The following RABIF variants were observed in gnomAD, a reference collection of about 807,000 sequenced individuals.
The protein encoded by RABIF is RAB interacting factor.
A neutral mutation model predicts 12.3 loss-of-function variants in RABIF; 13 were observed. The observed-to-expected ratio is 1.06, with a 90% CI of 0.69 to 1.68. The LOEUF is 1.68. RABIF is among the 40% of genes most tolerant of loss of function. The pLI is 0.00. For missense variants in RABIF, 153 were observed against 158.0 expected, an observed-to-expected ratio of 0.97 and a Z score of 0.17; for synonymous variants, 70 against 63.3, an observed-to-expected ratio of 1.11 and a Z score of -0.50.
At chr1:202,886,565 A>T (rs564320090) in intron 1 of RABIF, among the ~76,000 whole-genome samples, 2 of 152,078 alleles carry the variant, frequency 1.3e-5, no homozygotes, top group Non-Finnish European at 2.9e-5. Flanking sequence ...AGCCTCGGCG[A>T]CAGAGGGAGA....
chr1:202,882,537 CAG>C (rs1659505671), intron 1 of RABIF, among the ~76,000 whole-genome samples: 1 of 152,106 alleles, frequency 6.6e-6, no homozygotes, highest in African/African-American at 2.4e-5. Context: ...ACCTGGATGA[CAG>C]AGTGAGATCG....
intron 1 of RABIF, among the ~76,000 whole-genome samples, chr1:202,883,886 A>G (rs1288541031): frequency 6.6e-6 from 1 of 152,204 alleles, no homozygotes; most frequent in Non-Finnish European, 1.5e-5. Context: ...ATACTTATAT[A>G]TATGCATATG....
chr1:202,881,482 A>G (rs985633482), intron 1 of RABIF, among the ~76,000 whole-genome samples: 2 of 151,562 alleles, frequency 1.3e-5, no homozygotes, highest in Non-Finnish European at 2.9e-5. Flanking sequence ...GCTCACTGCA[A>G]CCTCCGCCTC....
rs542927618 is a variant in RABIF, at chr1:202,881,208, T to C, written c.142A>G (p.Met48Val). ...FSRRQLFLPSMRKKPALSDGS... is the reference protein window; with the variant it reads ...FSRRQLFLPSVRKKPALSDGS... ...TCAGACAGAGCTGGCTTCTTTCTCA[T>C]GGAGGGAAGGAAAAGCTGCAGTGGG... Residue 48 changes from methionine (M) to valine (V), a missense_variant, in exon 2 of 2, where the codon ATG becomes GTG. Coordinates refer to ENST00000367262, the MANE Select transcript of RABIF (RefSeq NM_002871.5). The C allele has an allele frequency of 3.1e-6, 5 of 1,612,510 alleles. No homozygotes were observed. The highest frequency in any genetic ancestry group is 1.7e-5 in the Admixed American group (1 of 59,898).
At chr1:202,881,330 AAAAG>A in intron 1 of RABIF, 107 bp from the exon 2 acceptor site, 1 of 1,436,396 alleles carries the variant, frequency 7.0e-7, no homozygotes. Context: ...GAATGACAAA[AAAAG>A]AGAAGCCCTC....
chr1:202,882,432 C>T (rs992789562), intron 1 of RABIF, among the ~76,000 whole-genome samples: 23 of 151,878 alleles, frequency 1.5e-4, no homozygotes, highest in African/African-American at 5.6e-4. Context: ...GGCAAGTGTC[C>T]GTAGTCCCAG....
At position 202,880,035 on chromosome 1, in the gene RABIF, A is replaced by C. The variant is rs1659464889; in HGVS notation, c.*943T>G. On this transcript the variant is annotated 3_prime_UTR_variant, in exon 2 of 2. Transcript: ENST00000367262. ...TGGCACAGAGATTCCAGTTGAACCA[A>C]AACTCCATGAGGACCATGCCCAGTA... The C allele has an allele frequency of 6.6e-6, 1 of 152,200 alleles. No individual in the cohort carries two copies. Among genetic ancestry groups the C allele is most frequent in the Non-Finnish European group, 1.5e-5 (1 of 68,028 alleles). The allele number at this position is 152,200 out of a possible 1,614,324, so 9.4% of individuals were successfully genotyped here.
At chr1:202,882,309 A>C (rs1303777343) in intron 1 of RABIF, among the ~76,000 whole-genome samples, 1 of 152,142 alleles carries the variant, frequency 6.6e-6, no homozygotes, top group Non-Finnish European at 1.5e-5. Flanking sequence ...TGAGCCCAGG[A>C]GGTGGTTGAG....
Position 202,880,393 on chromosome 1 carries a change from AGGT to A in RABIF, c.*582_*584del, listed in dbSNP as rs1659469073. ...AAATGTCATTCTCAACCTAGAGCAG[AGGT>A]GCTCAAACATGGTATTAGAGATGCA... On this transcript the variant is annotated 3_prime_UTR_variant, in exon 2 of 2. Coordinates refer to ENST00000367262, the MANE Select transcript of RABIF (RefSeq NM_002871.5). 1 of 152,798 alleles carries A rather than the reference AGGT, an allele frequency of 6.5e-6. No homozygotes were observed. The highest frequency in any genetic ancestry group is 1.5e-5 in the Non-Finnish European group (1 of 68,148). 9.5% of individuals were successfully genotyped at this position (152,798 alleles called of 1,614,324 possible).
chr1:202,885,766 G>C (rs1031543210), intron 1 of RABIF, among the ~76,000 whole-genome samples: 1 of 152,184 alleles, frequency 6.6e-6, no homozygotes, highest in East Asian at 1.9e-4. Flanking sequence ...TCATGTCCTA[G>C]AAGTTATATT....
At chr1:202,888,572 CGA>C (rs972735955) in intron 1 of RABIF, among the ~76,000 whole-genome samples, 2 of 152,186 alleles carry the variant, frequency 1.3e-5, no homozygotes, top group Non-Finnish European at 2.9e-5. Context: ...GAGCGGCGGC[CGA>C]GAGGCACCTG....
chr1:202,885,646 T>C (rs1659550067), intron 1 of RABIF, among the ~76,000 whole-genome samples: 1 of 152,266 alleles, frequency 6.6e-6, no homozygotes, highest in African/African-American at 2.4e-5. Context: ...TTGTTCTCTC[T>C]AAGGATGGAA....
intron 1 of RABIF, among the ~76,000 whole-genome samples, chr1:202,882,255 C>T (rs1247359172): frequency 6.6e-6 from 1 of 152,148 alleles, no homozygotes; most frequent in Non-Finnish European, 1.5e-5. Flanking sequence ...GTAGTGCACA[C>T]CTGTAGTCCC....
intron 1 of RABIF, among the ~76,000 whole-genome samples, chr1:202,882,482 G>A (rs1427477751): frequency 2.0e-5 from 3 of 152,156 alleles, no homozygotes; most frequent in African/African-American, 7.2e-5. Flanking sequence ...CTTGAGCCGG[G>A]GAGATTGAGA....
In RABIF at chr1:202,879,643, T is replaced by C. The variant is rs1374611124; in HGVS notation, c.*1335A>G. The stretch of plus-strand genomic sequence containing the variant: ...CCATCTTTCCAGGGGAGTAGGTTGG[T>C]TGCAAAACTGTGCCCAAGGCCACCT... On this transcript the variant is annotated 3_prime_UTR_variant, in exon 2 of 2. Transcript: ENST00000367262. 6.6e-6 allele frequency: 1 copy of C among 152,238 alleles called. No individual in the cohort carries two copies. The highest frequency in any genetic ancestry group is 1.5e-5 in the Non-Finnish European group (1 of 68,050). 9.4% of individuals were successfully genotyped at this position (152,238 alleles called of 1,614,324 possible). A position where few individuals can be genotyped will look rare whatever the true frequency, so the allele number is the denominator to read the frequency against.
Position 202,878,429 on chromosome 1 carries a change from G to A in RABIF, c.*2549C>T, listed in dbSNP as rs929710282. ...TTTAGCAATTCTTCAAAGTCAAGTC[G>A]GCTCTCTTGGTGTGTTCACACAGAT... On this transcript the variant is annotated 3_prime_UTR_variant, in exon 2 of 2. Coordinates refer to ENST00000367262, the MANE Select transcript of RABIF (RefSeq NM_002871.5). 3.9e-5 allele frequency among the ~76,000 whole-genome samples: 6 copies of A among 152,112 alleles called. No homozygotes were observed. The highest frequency in any genetic ancestry group is 1.2e-4 in the African/African-American group (5 of 41,440).
chr1:202,886,100 G>GT, intron 1 of RABIF, among the ~76,000 whole-genome samples: 1 of 151,772 alleles, frequency 6.6e-6, no homozygotes, highest in Non-Finnish European at 1.5e-5. Context: ...AAAAAGAAAT[G>GT]TAACATATAT....
At position 202,881,264 on chromosome 1, in the gene RABIF, G is replaced by A. The variant is rs746483196; in HGVS notation, c.127-41C>T. ...ACATAAAGAACGCAGAAGTTGAACT[G>A]GCCCAGTTCCATCAACACCCCCGTT... On this transcript the variant is annotated intron_variant, in intron 1 of 1. Coordinates refer to ENST00000367262, the MANE Select transcript of RABIF (RefSeq NM_002871.5). 8 of 1,578,522 alleles carry A rather than the reference G, an allele frequency of 5.1e-6. No individual in the cohort carries two copies. The African/African-American group carries it at 1.1e-4, about 21-fold the overall frequency.
intron 1 of RABIF, among the ~76,000 whole-genome samples, chr1:202,883,893 T>C (rs1411144853): frequency 6.6e-6 from 1 of 152,234 alleles, no homozygotes; most frequent in Admixed American, 6.5e-5. Context: ...TATATATGCA[T>C]ATGTATGTGC....
Sources: gnomAD v4.1 joint callset for allele counts (sites outside exome capture counted in the v4.1 genomes callset) on GRCh38, gnomAD v4.1.1 for gene constraint, MANE v1.5 for transcripts, NCBI Gene and HGNC (gene_info 2026-07-23, HGNC 2026-07-21) for gene names.